ZNF430: variants seen among roughly 807,000 people sequenced by gnomAD.
ZNF430 encodes the protein zinc finger protein 430.
ZNF430 carries 35 observed loss-of-function variants against 56.7 expected under a neutral mutation model. The observed-to-expected ratio is 0.62, with a 90% confidence interval of 0.47 to 0.82. ZNF430 has a LOEUF of 0.82. ZNF430 is among the 40% of genes least tolerant of loss of function. The pLI is 0.00. For missense variants in ZNF430, 574 were observed against 661.0 expected (o/e 0.87, Z 1.44); for synonymous variants, 212 against 224.3 (o/e 0.94, Z 0.49).
At chr19:21,042,876 C>T (rs548214207) in intron 4 of ZNF430, among the ~76,000 whole-genome samples, 9 of 152,112 alleles carry the variant, frequency 5.9e-5, no homozygotes, top group African/African-American at 1.2e-4. Context: ...ATTTCTCTAA[C>T]GATCCCTGAT....
chr19:21,041,668 G>T (rs1217944899), intron 4 of ZNF430, among the ~76,000 whole-genome samples: 1 of 152,046 alleles, frequency 6.6e-6, no homozygotes, highest in Non-Finnish European at 1.5e-5. Context: ...CCCCTACTCT[G>T]ACAGGTTCCA....
chr19:21,044,172 G>T (rs1968151190), intron 4 of ZNF430, among the ~76,000 whole-genome samples: 1 of 151,938 alleles, frequency 6.6e-6, no homozygotes. Flanking sequence ...TTTTCAAGGG[G>T]AATGCTTCCA....
intron 1 of ZNF430, among the ~76,000 whole-genome samples, chr19:21,021,254 T>G (rs1187245989): frequency 1.3e-5 from 2 of 152,078 alleles, no homozygotes; most frequent in Non-Finnish European, 2.9e-5. Context: ...ATCCCAGTAC[T>G]TTGGGAGGCC....
At chr19:21,042,917 A>G (rs1360929876) in intron 4 of ZNF430, among the ~76,000 whole-genome samples, 1 of 152,040 alleles carries the variant, frequency 6.6e-6, no homozygotes. Flanking sequence ...TGGCCACATA[A>G]ATTTATTCTT....
chr19:21,041,937 C>T (rs1280211631), intron 4 of ZNF430, among the ~76,000 whole-genome samples: 1 of 152,164 alleles, frequency 6.6e-6, no homozygotes, highest in Non-Finnish European at 1.5e-5. Flanking sequence ...TGGTCTTGAT[C>T]TCCTGACCTC....
chr19:21,055,915 A>G (rs1338170461), intron 4 of ZNF430, among the ~76,000 whole-genome samples: 1 of 152,186 alleles, frequency 6.6e-6, no homozygotes, highest in Non-Finnish European at 1.5e-5. Flanking sequence ...GTCATAGGAG[A>G]CAGAAACCAG....
chr19:21,038,008 G>A (rs1180110938), intron 4 of ZNF430, among the ~76,000 whole-genome samples: 1 of 151,788 alleles, frequency 6.6e-6, no homozygotes, highest in Non-Finnish European at 1.5e-5. Context: ...TTTCTCGGAG[G>A]CATTTTCACT....
intron 2 of ZNF430, 34 bp downstream of exon 2, chr19:21,022,915 C>A: frequency 6.8e-7 from 1 of 1,461,028 alleles, no homozygotes; most frequent in Non-Finnish European, 9.6e-7. Context: ...TGTCTTCACC[C>A]AACCCAGCTT....
rs550031030 is a variant in ZNF430 at position 21,027,874 on chromosome 19, T to G, written c.96+4993T>G. Among the ~76,000 whole-genome samples the G allele has an allele frequency of 1.5e-4, 23 of 152,276 alleles. No individual in the cohort carries two copies. In the East Asian group the frequency reaches 4.4e-3, roughly 29 times the overall value. The stretch of plus-strand genomic sequence containing the variant: ...TCTTATTTGTTCAGTCTCTGGAAAA[T>G]GTGTCTTTGCTCCCAGGTTACTATT... On this transcript the variant is annotated intron_variant, in intron 2 of 4. Coordinates refer to ENST00000261560, the MANE Select transcript of ZNF430 (RefSeq NM_025189.4).
At chr19:21,036,021 A>T (rs12611115) in intron 4 of ZNF430, 104,986 of 152,060 alleles carry the variant, frequency 0.69, 40,192 homozygotes, top group East Asian at 0.87. Flanking sequence ...AGCAGATTTT[A>T]TGAGTAAATA....
At position 21,056,827 on chromosome 19, in the gene ZNF430, G is replaced by T. The variant is rs1947426318; in HGVS notation, c.519G>T (p.Gln173His). The T allele has an allele frequency of 1.2e-6, 2 of 1,613,428 alleles. No homozygotes were observed. Among genetic ancestry groups the T allele is most frequent in the Non-Finnish European group, 8.5e-7 (1 of 1,179,814 alleles). ...TAAACCAGTGTTTGACAACTACCCAGAGTGAAATATTTCAATATGATAAAT... is the reference window on the plus strand; with the variant it reads ...TAAACCAGTGTTTGACAACTACCCATAGTGAAATATTTCAATATGATAAAT... ...DELNQCLTTT[Q>H]SEIFQYDKYV... The change falls in exon 5 of 5, where the codon CAG (glutamine) becomes CAT (histidine). Residue 173 changes from glutamine to histidine, a missense_variant. This residue lies in a region of ZNF430 where 346 missense variants were observed against 399.1 expected (regional missense o/e 0.87). Coordinates refer to ENST00000261560, the MANE Select transcript of ZNF430 (RefSeq NM_025189.4).
rs1473199032 is a variant in ZNF430 at position 21,059,906 on chromosome 19, T to C, written c.*1885T>C. On this transcript the variant is annotated 3_prime_UTR_variant, in exon 5 of 5. Coordinates refer to ENST00000261560, the MANE Select transcript of ZNF430 (RefSeq NM_025189.4). ...GAGGCTCTTTATGGTTAATTTATAT[T>C]GAATAATGCATTAGGTAGGTGTTCA... 1 of 152,108 alleles carries C rather than the reference T, an allele frequency of 6.6e-6. No individual in the cohort carries two copies. Among genetic ancestry groups the C allele is most frequent in the Non-Finnish European group, 1.5e-5 (1 of 68,018 alleles). 9.4% of individuals were successfully genotyped at this position (152,108 alleles called of 1,614,324 possible). A position where few individuals can be genotyped will look rare whatever the true frequency, so the allele number is the denominator to read the frequency against.
At chr19:21,049,901 G>A (rs1241258909) in intron 4 of ZNF430, among the ~76,000 whole-genome samples, 1 of 149,028 alleles carries the variant, frequency 6.7e-6, no homozygotes, top group Non-Finnish European at 1.5e-5. Flanking sequence ...ATTTACCTCT[G>A]TATTACTTTT....
intron 4 of ZNF430, among the ~76,000 whole-genome samples, chr19:21,055,926 T>C (rs112025718): frequency 5.9e-5 from 9 of 152,280 alleles, no homozygotes; most frequent in Non-Finnish European, 8.8e-5. Context: ...CAGAAACCAG[T>C]GTATAGATAG....
chr19:21,057,445 C>T lies in ZNF430; in HGVS notation c.1137C>T (p.Gly379=), dbSNP rs755083367. 1 of 1,613,654 alleles carries T rather than the reference C, an allele frequency of 6.2e-7. No homozygotes were observed. Among genetic ancestry groups the T allele is most frequent in the Non-Finnish European group, 8.5e-7 (1 of 1,179,950 alleles). The change falls in exon 5 of 5, where the codon GGC becomes GGT. Residue 379 remains glycine, a synonymous_variant. Transcript: ENST00000261560. ...GEKPYKCEEC[G]KAFYRFSYLT... ...AACCTTACAAATGTGAAGAATGTGGCAAAGCTTTTTACCGATTCTCATACC... is the reference window on the plus strand; with the variant it reads ...AACCTTACAAATGTGAAGAATGTGGTAAAGCTTTTTACCGATTCTCATACC...
At chr19:21,020,970 C>A (rs916447123) in intron 1 of ZNF430, among the ~76,000 whole-genome samples, 167 bp downstream of exon 1, 1 of 152,192 alleles carries the variant, frequency 6.6e-6, no homozygotes, top group African/African-American at 2.4e-5. Context: ...ATGGCGGCTG[C>A]GCTGACAGGC....
chr19:21,022,699 A>C, intron 1 of ZNF430, 90 bp from the exon 2 acceptor site: 1 of 947,698 alleles, frequency 1.1e-6, no homozygotes, highest in Non-Finnish European at 1.7e-6. Context: ...GGGTTTCAGT[A>C]TTGTCTGGGG....
intron 4 of ZNF430, among the ~76,000 whole-genome samples, chr19:21,039,074 T>C (rs1968055034): frequency 6.6e-6 from 1 of 151,704 alleles, no homozygotes; most frequent in African/African-American, 2.4e-5. Flanking sequence ...CTCAGCCTCC[T>C]GAGTAGCTGG....
chr19:21,024,019 T>TA (rs1460731998), intron 2 of ZNF430, among the ~76,000 whole-genome samples: 3 of 152,220 alleles, frequency 2.0e-5, no homozygotes, highest in Non-Finnish European at 4.4e-5. Flanking sequence ...TTCAAACACA[T>TA]AGTTTCAAAA....
Sources: allele counts gnomAD v4.1 joint callset (sites outside exome capture counted in the v4.1 genomes callset), GRCh38; gene constraint gnomAD v4.1.1; regional missense constraint gnomAD v4.1.1; transcripts MANE v1.5; gene names NCBI Gene and HGNC (gene_info 2026-07-23, HGNC 2026-07-21).